PCDHGB3: variants seen among roughly 807,000 people sequenced by gnomAD.
The protein encoded by PCDHGB3 is protocadherin gamma subfamily B, 3, also known as protocadherin gamma-B3.
In PCDHGB3, 40 loss-of-function variants were observed where a neutral mutation model predicts 59.2. The ratio of observed to expected loss-of-function variants is 0.68; its 90% confidence interval spans 0.52 to 0.88. The LOEUF (loss-of-function observed/expected upper bound fraction) is 0.88. Ranked by LOEUF, PCDHGB3 falls within the 40% of genes least tolerant of loss-of-function variation. PCDHGB3 has a pLI of 0.00. For synonymous variants in PCDHGB3, 581 were observed against 503.6 expected (o/e 1.15, Z -2.06); for missense variants, 1,309 against 1,187.9 (o/e 1.10, Z -1.50).
intron 1 of PCDHGB3, chr5:141,399,804 G>A (rs1191609127): frequency 2.5e-6 from 4 of 1,613,224 alleles, no homozygotes; most frequent in East Asian, 2.2e-5. Flanking sequence ...CGCGGGTGCT[G>A]TACCCCGCGC....
chr5:141,433,651 C>T (rs905489069), intron 1 of PCDHGB3, among the ~76,000 whole-genome samples: 3 of 152,064 alleles, frequency 2.0e-5, no homozygotes, highest in Non-Finnish European at 2.9e-5. Context: ...GCCTGACCAA[C>T]ATGGAGAAAC....
chr5:141,427,887 C>A (rs759734297), intron 1 of PCDHGB3: 2 of 1,565,908 alleles, frequency 1.3e-6, no homozygotes, highest in Admixed American at 1.7e-5. Flanking sequence ...GGCCCACGAC[C>A]AGGGCTCGCC....
At chr5:141,428,305 G>A (rs751498223) in intron 1 of PCDHGB3, 8 of 694,348 alleles carry the variant, frequency 1.2e-5, no homozygotes, top group African/African-American at 1.8e-5. Flanking sequence ...GATTTACCTG[G>A]TCGTGGCCTT....
At chr5:141,422,786 C>T in intron 1 of PCDHGB3, 1 of 1,614,178 alleles carries the variant, frequency 6.2e-7, no homozygotes, top group Non-Finnish European at 8.5e-7. Context: ...GCCCTACAAT[C>T]CTTCGACTAT....
At chr5:141,442,294 C>A (rs1194203452) in intron 1 of PCDHGB3, 1 of 152,584 alleles carries the variant, frequency 6.6e-6, no homozygotes, top group Admixed American at 6.5e-5. Context: ...ATGATCCTGT[C>A]TGAGTCTTTC....
rs764586891 is a variant in PCDHGB3, at chr5:141,477,616, A to G, written c.2416-17191A>G. On this transcript the variant is annotated intron_variant, in intron 1 of 3. Coordinates refer to ENST00000576222, the MANE Select transcript of PCDHGB3 (RefSeq NM_018924.5). This position sits in a 1 kb window ranked among gnomAD's most constrained non-coding sequence, Gnocchi z 4.9. ...TTTCTTTCTTTCTCTTGGAGCAAGGAGCTGAAACCGGGCTAGTGGGTCGCT... is the reference window on the plus strand; with the variant it reads ...TTTCTTTCTTTCTCTTGGAGCAAGGGGCTGAAACCGGGCTAGTGGGTCGCT... The G allele has an allele frequency of 1.2e-6, 2 of 1,614,068 alleles. No individual in the cohort carries two copies. Among genetic ancestry groups the G allele is most frequent in the African/African-American group, 2.7e-5 (2 of 74,924 alleles).
intron 1 of PCDHGB3, among the ~76,000 whole-genome samples, chr5:141,381,953 C>T (rs1588910432): frequency 1.3e-5 from 2 of 151,114 alleles, no homozygotes; most frequent in South Asian, 2.1e-4. Context: ...CCTCAGCCTC[C>T]TGAGTAGCTG....
chr5:141,438,180 A>G (rs2097937602), intron 1 of PCDHGB3, among the ~76,000 whole-genome samples: 1 of 152,204 alleles, frequency 6.6e-6, no homozygotes, highest in African/African-American at 2.4e-5. Context: ...AATATTTTAT[A>G]AAGGATGAGA....
Position 141,432,465 on chromosome 5 carries a change from C to G in PCDHGB3, c.2415+59656C>G. ...GAGATCCTGTACCCCGCCCTCCCCACGGACGGTTCCACTGGCGTGGAGCTG... is the reference window on the plus strand; with the variant it reads ...GAGATCCTGTACCCCGCCCTCCCCAGGGACGGTTCCACTGGCGTGGAGCTG... On this transcript the variant is annotated intron_variant, in intron 1 of 3. Transcript: ENST00000576222. The surrounding 1 kb of genome is among the most constrained non-coding windows in gnomAD (Gnocchi z 6.0). The G allele has an allele frequency of 6.2e-7, 1 of 1,614,222 alleles. No individual in the cohort carries two copies. Among genetic ancestry groups the G allele is most frequent in the Non-Finnish European group, 8.5e-7 (1 of 1,180,050 alleles).
At chr5:141,415,458 C>T in intron 1 of PCDHGB3, 5 of 1,614,204 alleles carry the variant, frequency 3.1e-6, no homozygotes, top group Non-Finnish European at 4.2e-6. Flanking sequence ...CCCACGAGGT[C>T]TCTCTCACCG....
rs753664223 is a variant in PCDHGB3 at position 141,410,518 on chromosome 5, C to G, written c.2415+37709C>G. 5.0e-6 allele frequency: 8 copies of G among 1,613,820 alleles called. No homozygotes were observed. In the East Asian group the frequency reaches 1.8e-4, roughly 36 times the overall value. On this transcript the variant is annotated intron_variant, in intron 1 of 3. Coordinates refer to ENST00000576222, the MANE Select transcript of PCDHGB3 (RefSeq NM_018924.5). ...TTAATTTCCTAAAATGCAGTGTGCC[C>G]CTACATTCCAATGAAGACATGGTTT...
In PCDHGB3 at chr5:141,399,285, C is replaced by T. The variant is rs751998465; in HGVS notation, c.2415+26476C>T. 3 of 1,613,720 alleles carry T rather than the reference C, an allele frequency of 1.9e-6. No homozygotes were observed. In the African/African-American group the frequency reaches 4.0e-5, roughly 22 times the overall value. ...TTAATTGTCAATTACAAGGCGAAGTCCCTTTTAAGATTATCTCTTCATCCA... is the reference window on the plus strand; with the variant it reads ...TTAATTGTCAATTACAAGGCGAAGTTCCTTTTAAGATTATCTCTTCATCCA... On this transcript the variant is annotated intron_variant, in intron 1 of 3. Coordinates refer to ENST00000576222, the MANE Select transcript of PCDHGB3 (RefSeq NM_018924.5).
At chr5:141,494,922 C>T (rs1401836511) in intron 2 of PCDHGB3, 57 bp downstream of exon 2, 23 of 1,613,670 alleles carry the variant, frequency 1.4e-5, no homozygotes, top group Non-Finnish European at 1.9e-5. Flanking sequence ...TCAGGGATGA[C>T]GTGGGAGGAG....
rs368850413 is a variant in PCDHGB3, at chr5:141,400,711, C to T, written c.2415+27902C>T. 8.7e-6 allele frequency: 6 copies of T among 691,160 alleles called. No individual in the cohort carries two copies. The African/African-American group carries it at 9.0e-5, about 10-fold the overall frequency. The allele number at this position is 691,160 out of a possible 1,614,324, so 42.8% of individuals were successfully genotyped here. On this transcript the variant is annotated intron_variant, in intron 1 of 3. Coordinates refer to ENST00000576222, the MANE Select transcript of PCDHGB3 (RefSeq NM_018924.5). Reference sequence around the variant, plus strand: ...TTTTATGTCGCATAAAAGAAGTAGCCTTATAGATTTACAAAGTAGTGAGAG... The same window carrying T: ...TTTTATGTCGCATAAAAGAAGTAGCTTTATAGATTTACAAAGTAGTGAGAG...
intron 2 of PCDHGB3, among the ~76,000 whole-genome samples, chr5:141,501,290 TACACACACACACACACACACACAC>T (rs55762287): frequency 7.3e-6 from 1 of 136,162 alleles, no homozygotes; most frequent in African/African-American, 2.7e-5. Flanking sequence ...TATTCCCTTA[TACACACACACACACACACACACAC>T]ACACACACAC....
intron 1 of PCDHGB3, chr5:141,391,496 G>C (rs1256159469): frequency 6.6e-6 from 1 of 151,988 alleles, no homozygotes; most frequent in Non-Finnish European, 1.5e-5. Flanking sequence ...GTTTTCAGTA[G>C]AGAAAATATT....
intron 1 of PCDHGB3, among the ~76,000 whole-genome samples, chr5:141,435,375 A>G (rs80179854): frequency 0.034 from 5,131 of 152,264 alleles, 102 homozygotes; most frequent in Middle Eastern, 0.088. Flanking sequence ...TTAAATATAC[A>G]ATATACCGTA....
At chr5:141,376,043 C>G (rs201022484) in intron 1 of PCDHGB3, 1 of 1,613,172 alleles carries the variant, frequency 6.2e-7, no homozygotes, top group Non-Finnish European at 8.5e-7. Context: ...CCAGCCCCCT[C>G]TCTCCGCCAC....
chr5:141,439,066 G>A (rs1004595196), intron 1 of PCDHGB3, among the ~76,000 whole-genome samples: 2 of 151,258 alleles, frequency 1.3e-5, no homozygotes, highest in African/African-American at 2.4e-5. Context: ...TGTGGCAGGC[G>A]CCTGTAATCC....
Sources: allele counts gnomAD v4.1 joint callset (sites outside exome capture counted in the v4.1 genomes callset), GRCh38; gene constraint gnomAD v4.1.1; non-coding constraint Gnocchi (gnomAD v3.1); transcripts MANE v1.5; gene names NCBI Gene and HGNC (gene_info 2026-07-23, HGNC 2026-07-21).